FHIT: variants seen among roughly 807,000 people sequenced by gnomAD.
FHIT encodes the protein fragile histidine triad diadenosine triphosphatase.
A neutral mutation model predicts 17.9 loss-of-function variants in FHIT; 19 were observed. The observed-to-expected ratio is 1.06, with a 90% CI of 0.74 to 1.56. The LOEUF is 1.56. Ranked by LOEUF, FHIT falls within the 40% of genes most tolerant of loss-of-function variation. The probability of loss-of-function intolerance (pLI) is 0.00; values close to 1 mark genes in which losing one functional copy is unlikely to be tolerated. For missense variants in FHIT, 248 were observed against 189.2 expected (o/e 1.31, Z -1.82); for synonymous variants, 81 against 69.7 (o/e 1.16, Z -0.81).
At chr3:60,349,595 G>T (rs1042927510) in intron 5 of FHIT, among the ~76,000 whole-genome samples, 1 of 151,908 alleles carries the variant, frequency 6.6e-6, no homozygotes, top group Non-Finnish European at 1.5e-5. Context: ...TTTTCAGAAG[G>T]TACTAAACTC....
At chr3:60,065,269 T>C (rs1702453159) in intron 5 of FHIT, among the ~76,000 whole-genome samples, 3 of 152,214 alleles carry the variant, frequency 2.0e-5, no homozygotes, top group African/African-American at 7.2e-5. Flanking sequence ...CTTAAAGAAA[T>C]GTCTTTGGGA....
intron 8 of FHIT, among the ~76,000 whole-genome samples, chr3:59,771,755 C>G (rs915457317): frequency 6.6e-6 from 1 of 152,118 alleles, no homozygotes; most frequent in South Asian, 2.1e-4. Flanking sequence ...ACACAGACTT[C>G]TCGTCATAAA....
intron 8 of FHIT, among the ~76,000 whole-genome samples, chr3:59,859,165 A>G (rs1034363510): frequency 1.3e-5 from 2 of 152,182 alleles, no homozygotes; most frequent in African/African-American, 4.8e-5. Context: ...TGCTCAAAGA[A>G]TGATGGGGAG....
chr3:60,805,112 T>C (rs1313934419), intron 4 of FHIT, among the ~76,000 whole-genome samples: 2 of 152,194 alleles, frequency 1.3e-5, no homozygotes, highest in Admixed American at 6.5e-5. Context: ...CATTACTCAA[T>C]AGGCAGGATG....
At chr3:60,429,832 C>A (rs1260291006) in intron 5 of FHIT, among the ~76,000 whole-genome samples, 1 of 152,024 alleles carries the variant, frequency 6.6e-6, no homozygotes, top group Non-Finnish European at 1.5e-5. Flanking sequence ...AGCATAGGTA[C>A]TAAGAGGCTA....
chr3:60,406,827 G>T (rs1308915221), intron 5 of FHIT, among the ~76,000 whole-genome samples: 1 of 151,946 alleles, frequency 6.6e-6, no homozygotes, highest in East Asian at 1.9e-4. Flanking sequence ...GCCAAAATTG[G>T]GCACATTTCC....
chr3:59,758,271 C>G (rs11922503), intron 8 of FHIT, among the ~76,000 whole-genome samples: 16,274 of 152,170 alleles, frequency 0.11, 1,094 homozygotes, highest in African/African-American at 0.17. Flanking sequence ...CAACTTGTAC[C>G]CATGGTCAGC....
At chr3:61,169,871 C>T (rs1182936243) in intron 2 of FHIT, among the ~76,000 whole-genome samples, 1 of 152,106 alleles carries the variant, frequency 6.6e-6, no homozygotes, top group Non-Finnish European at 1.5e-5. Context: ...ATAAGGGGTT[C>T]AGTGGGTAGA....
intron 8 of FHIT, among the ~76,000 whole-genome samples, chr3:59,812,317 TCTGGA>T (rs2107050063): frequency 6.6e-6 from 1 of 152,296 alleles, no homozygotes; most frequent in Non-Finnish European, 1.5e-5. Flanking sequence ...CCAGATTGAC[TCTGGA>T]CTGATCTTGG....
chr3:61,038,784 T>C (rs2033373098), intron 3 of FHIT, among the ~76,000 whole-genome samples: 1 of 152,202 alleles, frequency 6.6e-6, no homozygotes, highest in South Asian at 2.1e-4. Context: ...TTGATGATTA[T>C]TGAATCTAGG....
intron 7 of FHIT, among the ~76,000 whole-genome samples, chr3:59,976,770 G>A (rs1708431661): frequency 6.6e-6 from 1 of 152,100 alleles, no homozygotes; most frequent in Admixed American, 6.6e-5. Flanking sequence ...TCAAAGGCCA[G>A]TTGTTTCAAA....
intron 8 of FHIT, among the ~76,000 whole-genome samples, chr3:59,848,757 G>T (rs1209753700): frequency 6.6e-6 from 1 of 152,070 alleles, no homozygotes; most frequent in Non-Finnish European, 1.5e-5. Flanking sequence ...TTCCAAATAT[G>T]GTGTCATATA....
intron 8 of FHIT, among the ~76,000 whole-genome samples, chr3:59,841,861 A>G (rs867962807): frequency 3.5e-4 from 54 of 152,282 alleles, no homozygotes; most frequent in African/African-American, 1.2e-3. Context: ...GGGAAGGATT[A>G]CCACTGATAT....
chr3:60,744,271 A>AAAAAAAAAAAAAAAAAC (rs2042309303), intron 4 of FHIT, among the ~76,000 whole-genome samples: 9 of 52,108 alleles, frequency 1.7e-4, no homozygotes, highest in East Asian at 1.0e-3. Flanking sequence ...AACAAAACAA[A>AAAAAAAAAAAAAAAAAC]AAAAAAAAAA....
At chr3:60,178,303 T>C (rs1701773272) in intron 5 of FHIT, among the ~76,000 whole-genome samples, 1 of 151,996 alleles carries the variant, frequency 6.6e-6, no homozygotes, top group African/African-American at 2.4e-5. Flanking sequence ...GAAGCGCAGA[T>C]AAGGCAGACA....
chr3:61,067,040 T>C (rs1297415661), intron 2 of FHIT, among the ~76,000 whole-genome samples: 1 of 152,198 alleles, frequency 6.6e-6, no homozygotes, highest in Non-Finnish European at 1.5e-5. Flanking sequence ...TCTTTTGGTT[T>C]TGAGTAAGGC....
In FHIT at chr3:61,082,071, C is replaced by T. The variant is rs182002669; in HGVS notation, c.-163-39972G>A. Among the ~76,000 whole-genome samples, 447 of 148,748 alleles carry T rather than the reference C, an allele frequency of 3.0e-3. 2 individuals carry two copies. Among genetic ancestry groups the T allele is most frequent in the Non-Finnish European group, 4.5e-3 (305 of 67,364 alleles). ...AGCTCCCCTCATTTTTGCATTGCTC[C>T]AATAGATTCTCCAAAAAAAAAAAGT... On this transcript the variant is annotated intron_variant, in intron 2 of 9. Coordinates refer to ENST00000492590, the MANE Select transcript of FHIT (RefSeq NM_002012.4).
chr3:60,708,260 G>A (rs1163759048), intron 4 of FHIT, among the ~76,000 whole-genome samples: 2 of 152,154 alleles, frequency 1.3e-5, no homozygotes, highest in Admixed American at 6.6e-5. Context: ...TATTTACACA[G>A]CCTTACTAAT....
At chr3:61,216,608 T>C (rs34470378) in intron 1 of FHIT, among the ~76,000 whole-genome samples, 95 of 152,290 alleles carry the variant, frequency 6.2e-4, no homozygotes, top group Admixed American at 1.5e-3. Flanking sequence ...GATCTAGAAC[T>C]AGAAATACCA....
Sources: allele counts gnomAD v4.1 joint callset (sites outside exome capture counted in the v4.1 genomes callset), GRCh38; gene constraint gnomAD v4.1.1; transcripts MANE v1.5; gene names NCBI Gene and HGNC (gene_info 2026-07-23, HGNC 2026-07-21).